Variants in SNED1 observed in about 807,000 individuals in gnomAD.
The protein encoded by SNED1 is sushi, nidogen and EGF-like domain-containing protein 1.
Under a neutral mutation model 166.7 loss-of-function variants are expected in SNED1, and 81 were observed. That is an observed-to-expected ratio of 0.49 (90% confidence interval 0.41 to 0.58). The LOEUF (loss-of-function observed/expected upper bound fraction) is 0.58, where lower values mean the gene tolerates loss of function less well. SNED1 is among the 20% of genes least tolerant of loss of function. SNED1 has a pLI of 0.00. For missense variants in SNED1, 1,604 were observed against 2,000.2 expected (o/e 0.80, Z 3.78); for synonymous variants, 762 against 822.0 (o/e 0.93, Z 1.25).
At chr2:241,014,019 T>C (rs1574867548) in intron 1 of SNED1, among the ~76,000 whole-genome samples, 1 of 152,024 alleles carries the variant, frequency 6.6e-6, no homozygotes, top group Admixed American at 6.5e-5. Context: ...CTTTTCTTTT[T>C]TTTTTTTAAG....
chr2:241,019,007 G>T (rs1490975797), intron 1 of SNED1, among the ~76,000 whole-genome samples: 1 of 152,176 alleles, frequency 6.6e-6, no homozygotes, highest in Non-Finnish European at 1.5e-5. Flanking sequence ...TACCCAAAGG[G>T]TGGCCAAGCG....
At chr2:241,027,490 T>C (rs1426007277) in intron 1 of SNED1, among the ~76,000 whole-genome samples, 1 of 152,236 alleles carries the variant, frequency 6.6e-6, no homozygotes, top group Non-Finnish European at 1.5e-5. Context: ...AGCTGTTAGC[T>C]ATTGTGAATA....
chr2:241,027,731 CTGTT>C (rs2061021558), intron 1 of SNED1, among the ~76,000 whole-genome samples: 1 of 137,284 alleles, frequency 7.3e-6, no homozygotes, highest in Non-Finnish European at 1.6e-5. Flanking sequence ...TTATTTTCTT[CTGTT>C]TTTTTTTTTT....
At chr2:241,082,114 T>C (rs1575116296) in intron 28 of SNED1, among the ~76,000 whole-genome samples, 163 bp from the exon 29 acceptor site, 1 of 151,924 alleles carries the variant, frequency 6.6e-6, no homozygotes, top group Admixed American at 6.6e-5. Context: ...ACCCCGGCCT[T>C]AGAGGAAGCC....
chr2:241,051,679 G>C lies in SNED1; in HGVS notation c.1736-65G>C. 1 of 1,263,580 alleles carries C rather than the reference G, an allele frequency of 7.9e-7. No homozygotes were observed. The allele number at this position is 1,263,580 out of a possible 1,614,324, so 78.3% of individuals were successfully genotyped here. ...AGAGGACTGAGGAGATGCCAGGAGG[G>C]TATAGTGGCTCTGTGGGGCCAGCAG... On this transcript the variant is annotated intron_variant, in intron 12 of 31. Coordinates refer to ENST00000310397, the MANE Select transcript of SNED1 (RefSeq NM_001080437.3). This position sits in a 1 kb window ranked among gnomAD's most constrained non-coding sequence, Gnocchi z 4.7.
rs1326236755 is a variant in SNED1 at position 241,028,234 on chromosome 2, AG to A, written c.214-2048del. Among the ~76,000 whole-genome samples the A allele has an allele frequency of 4.6e-5, 7 of 152,150 alleles. 1 individual carries two copies. The highest frequency in any genetic ancestry group is 4.6e-4 in the Admixed American group (7 of 15,272). On this transcript the variant is annotated intron_variant, in intron 1 of 31. Coordinates refer to ENST00000310397, the MANE Select transcript of SNED1 (RefSeq NM_001080437.3). ...AAATATTTTCTGTTATTTTGTTTTCAGGCTGCCTTTTTACTCTGTTAATAGT... is the reference window on the plus strand; with the variant it reads ...AAATATTTTCTGTTATTTTGTTTTCAGCTGCCTTTTTACTCTGTTAATAGT...
At chr2:241,038,098 ACC>A (rs2061428908) in intron 6 of SNED1, among the ~76,000 whole-genome samples, 1 of 142,718 alleles carries the variant, frequency 7.0e-6, no homozygotes, top group Non-Finnish European at 1.5e-5. Flanking sequence ...TCTCCATCTC[ACC>A]ATAGGGCTCT....
chr2:241,084,813 CAGG>C (rs1474638050), intron 29 of SNED1, among the ~76,000 whole-genome samples: 1 of 152,194 alleles, frequency 6.6e-6, no homozygotes, highest in Non-Finnish European at 1.5e-5. Context: ...CACAGGTCTG[CAGG>C]AGATGAATTC....
Position 241,088,360 on chromosome 2 carries a change from T to G in SNED1, c.4206-5T>G. The G allele has an allele frequency of 6.2e-7, 1 of 1,606,608 alleles. No homozygotes were observed. The highest frequency in any genetic ancestry group is 2.2e-5 in the East Asian group (1 of 44,850). On this transcript the variant is annotated splice_polypyrimidine_tract_variant and splice_region_variant and intron_variant, in intron 30 of 31. Coordinates refer to ENST00000310397, the MANE Select transcript of SNED1 (RefSeq NM_001080437.3). ...CATTAAACGACTTTTCTCTAATTATTTCAGGAAACAAAGTAAGAGTCAGAC... is the reference window on the plus strand; with the variant it reads ...CATTAAACGACTTTTCTCTAATTATGTCAGGAAACAAAGTAAGAGTCAGAC...
At position 241,040,290 on chromosome 2, in the gene SNED1, T is replaced by C. The variant is rs1434886077; in HGVS notation, c.1160-10T>C. 6.3e-7 allele frequency: 1 copy of C among 1,593,526 alleles called. No homozygotes were observed. Among genetic ancestry groups the C allele is most frequent in the African/African-American group, 1.3e-5 (1 of 74,562 alleles). On this transcript the variant is annotated splice_polypyrimidine_tract_variant and intron_variant, in intron 7 of 31. Transcript: ENST00000310397. ...GCTCAAGCCAAGCCCGCACCTCTGC[T>C]GCCCCTCAGATGTGGACGACTGCAG...
In SNED1 at chr2:241,071,693, C is replaced by CT; in HGVS notation, c.3707_3708insT (p.Glu1238ArgfsTer61). ...CTGCGCCTGCTCAATGACCACAGCG[C>CT]CCCCGAGACCCCCACCCAGCCCCCC... On this transcript the variant is annotated frameshift_variant, in exon 25 of 32. Transcript: ENST00000310397. LOFTEE classifies it high-confidence loss of function. The CT allele has an allele frequency of 6.6e-7, 1 of 1,516,624 alleles. No individual in the cohort carries two copies. Among genetic ancestry groups the CT allele is most frequent in the Non-Finnish European group, 8.9e-7 (1 of 1,128,756 alleles). 93.9% of individuals were successfully genotyped at this position (1,516,624 alleles called of 1,614,324 possible).
intron 1 of SNED1, among the ~76,000 whole-genome samples, chr2:241,006,069 T>C (rs1043789593): frequency 2.6e-5 from 4 of 152,194 alleles, no homozygotes; most frequent in Non-Finnish European, 5.9e-5. Context: ...AGAATGAGAA[T>C]GAGGCTTTGT....
intron 17 of SNED1, 101 bp downstream of exon 17, chr2:241,063,005 G>C: frequency 7.1e-6 from 5 of 709,174 alleles, no homozygotes; most frequent in Non-Finnish European, 9.2e-6. Context: ...GGATGGCCAG[G>C]GTGGCCACTG....
At chr2:241,037,820 C>T (rs1362598133) in intron 6 of SNED1, among the ~76,000 whole-genome samples, 2 of 152,214 alleles carry the variant, frequency 1.3e-5, no homozygotes, top group South Asian at 2.1e-4. Flanking sequence ...CCGCTCCCTG[C>T]GGCTGCTCCT....
Position 241,053,275 on chromosome 2 carries a change from A to T in SNED1, c.2206A>T (p.Ile736Phe). 6.2e-7 allele frequency: 1 copy of T among 1,602,414 alleles called. No individual in the cohort carries two copies. Among genetic ancestry groups the T allele is most frequent in the Non-Finnish European group, 8.5e-7 (1 of 1,174,138 alleles). Residue 736 changes from isoleucine to phenylalanine, a missense_variant, in exon 16 of 32, where the codon ATC becomes TTC. Ile to Phe is a conservative substitution (Grantham distance 21). Transcript: ENST00000310397. ...CTACAGCCTGAGCGCCCCCAGCCGC[A>T]TCCGGGTCTGCCAGCCACACGGTGT... ...RGYSLSAPSR[I>F]RVCQPHGVWS...
Position 241,069,963 on chromosome 2 carries a change from C to T in SNED1, c.3351C>T (p.Ala1117=), listed in dbSNP as rs2062629077. 1.2e-5 allele frequency: 19 copies of T among 1,612,976 alleles called. No individual in the cohort carries two copies. Among genetic ancestry groups the T allele is most frequent in the Non-Finnish European group, 1.4e-5 (17 of 1,179,872 alleles). Reference sequence around the variant, plus strand: ...ACCTGACCGCCGCCCGAGTCACTGCCACCTCTGCCCACGTGGTCTGGGATG... The same window carrying T: ...ACCTGACCGCCGCCCGAGTCACTGCTACCTCTGCCCACGTGGTCTGGGATG... ...PANLTAARVT[A]TSAHVVWDAP... Residue 1117 remains alanine (A), a synonymous_variant, in exon 24 of 32, where the codon GCC becomes GCT. Coordinates refer to ENST00000310397, the MANE Select transcript of SNED1 (RefSeq NM_001080437.3). The surrounding 1 kb of genome is among the most constrained non-coding windows in gnomAD (Gnocchi z 4.9).
At chr2:241,020,804 CCTTCT>C (rs546727072) in intron 1 of SNED1, among the ~76,000 whole-genome samples, 132 of 152,252 alleles carry the variant, frequency 8.7e-4, no homozygotes, top group African/African-American at 2.9e-3. Flanking sequence ...AGCAGGCTTC[CCTTCT>C]CTTGGACTCC....
At position 241,062,925 on chromosome 2, in the gene SNED1, G is replaced by A. The variant is rs140596109; in HGVS notation, c.2371+21G>A. On this transcript the variant is annotated intron_variant, in intron 17 of 31. Coordinates refer to ENST00000310397, the MANE Select transcript of SNED1 (RefSeq NM_001080437.3). Reference sequence around the variant, plus strand: ...GCTGGGTAAGAGGGGCCCTGGCCCCGCTGGGGTGACAGCTGCAGCACACTG... The same window carrying A: ...GCTGGGTAAGAGGGGCCCTGGCCCCACTGGGGTGACAGCTGCAGCACACTG... The A allele has an allele frequency of 6.2e-4, 916 of 1,474,802 alleles. 5 individuals are homozygous for A. In the African/African-American group the frequency reaches 9.4e-3, roughly 15 times the overall value. The allele number at this position is 1,474,802 out of a possible 1,614,324, so 91.4% of individuals were successfully genotyped here.
At chr2:241,067,521 G>C (rs545980659) in intron 21 of SNED1, among the ~76,000 whole-genome samples, 5 of 152,314 alleles carry the variant, frequency 3.3e-5, no homozygotes. Context: ...CTGGTAAGAC[G>C]GGCTGGCCCA....
Sources: allele counts gnomAD v4.1 joint callset (sites outside exome capture counted in the v4.1 genomes callset), GRCh38; gene constraint gnomAD v4.1.1; non-coding constraint Gnocchi (gnomAD v3.1); transcripts MANE v1.5; gene names NCBI Gene and HGNC (gene_info 2026-07-23, HGNC 2026-07-21).